The following GALNTL6 variants were observed in gnomAD, a reference collection of about 807,000 sequenced individuals.
GALNTL6 encodes the protein polypeptide N-acetylgalactosaminyltransferase like 6, also known as polypeptide N-acetylgalactosaminyltransferase-like 6.
In GALNTL6, 46 loss-of-function variants were observed where a neutral mutation model predicts 73.7. The ratio of observed to expected loss-of-function variants is 0.62; its 90% CI spans 0.49 to 0.80. The LOEUF (loss-of-function observed/expected upper bound fraction) is 0.80. GALNTL6 is among the 30% of genes least tolerant of loss of function. The pLI, the probability that GALNTL6 is intolerant of heterozygous loss-of-function variation, is 0.00. For synonymous variants in GALNTL6, 259 were observed against 263.7 expected, an observed-to-expected ratio of 0.98 and a Z score of 0.17; for missense variants, 604 against 755.0, an observed-to-expected ratio of 0.80 and a Z score of 2.34.
intron 2 of GALNTL6, among the ~76,000 whole-genome samples, chr4:172,088,925 A>C (rs978793650): frequency 1.3e-5 from 2 of 152,182 alleles, no homozygotes; most frequent in African/African-American, 4.8e-5. Flanking sequence ...TTATTTTCAG[A>C]AAGTTGCACA....
chr4:172,573,119 G>A (rs1301049335), intron 5 of GALNTL6, among the ~76,000 whole-genome samples: 1 of 151,976 alleles, frequency 6.6e-6, no homozygotes, highest in African/African-American at 2.4e-5. Flanking sequence ...CTTTAAAAAT[G>A]GCATCTTTTA....
chr4:171,982,864 C>G (rs1023325076), intron 2 of GALNTL6, among the ~76,000 whole-genome samples: 1 of 152,152 alleles, frequency 6.6e-6, no homozygotes, highest in African/African-American at 2.4e-5. Flanking sequence ...AAAACTGCCT[C>G]TTTTTGGTTC....
chr4:173,015,802 CA>C (rs569010147), intron 11 of GALNTL6, among the ~76,000 whole-genome samples: 82 of 152,268 alleles, frequency 5.4e-4, no homozygotes, highest in African/African-American at 1.8e-3. Flanking sequence ...AATGAGCAGC[CA>C]AATGTTAATC....
At chr4:171,853,004 C>A (rs1178827248) in intron 2 of GALNTL6, among the ~76,000 whole-genome samples, 1 of 138,884 alleles carries the variant, frequency 7.2e-6, no homozygotes, top group Non-Finnish European at 1.6e-5. Context: ...CGCCACCACG[C>A]CCGGCTAATT....
At chr4:172,660,389 A>G (rs1217394285) in intron 5 of GALNTL6, among the ~76,000 whole-genome samples, 2 of 152,220 alleles carry the variant, frequency 1.3e-5, no homozygotes, top group Non-Finnish European at 2.9e-5. Context: ...AAAAGGCATC[A>G]ACTTTACTGC....
chr4:172,542,039 T>C (rs1474054746), intron 5 of GALNTL6, among the ~76,000 whole-genome samples: 2 of 151,652 alleles, frequency 1.3e-5, no homozygotes, highest in African/African-American at 2.4e-5. Context: ...CAGGAAAATG[T>C]AGGACATGGA....
intron 10 of GALNTL6, among the ~76,000 whole-genome samples, chr4:173,004,523 G>A (rs1000087212): frequency 4.6e-5 from 7 of 152,164 alleles, no homozygotes; most frequent in Non-Finnish European, 7.3e-5. Flanking sequence ...CTATTTGGGA[G>A]GCTGAGGCAG....
intron 2 of GALNTL6, among the ~76,000 whole-genome samples, chr4:172,173,389 A>T (rs762516705): frequency 6.6e-6 from 1 of 152,210 alleles, no homozygotes; most frequent in Non-Finnish European, 1.5e-5. Context: ...GTGAATTTGC[A>T]TGAGGCTGTG....
chr4:172,568,757 CAAAAAAAAAAAAA>C (rs71592082), intron 5 of GALNTL6, among the ~76,000 whole-genome samples: 1 of 67,078 alleles, frequency 1.5e-5, no homozygotes, highest in Non-Finnish European at 2.5e-5. Flanking sequence ...GACTCCATCT[CAAAAAAAAAAAAA>C]AAAAAAAAAG....
intron 5 of GALNTL6, among the ~76,000 whole-genome samples, chr4:172,560,981 C>T (rs1181512398): frequency 2.0e-5 from 3 of 152,184 alleles, no homozygotes; most frequent in East Asian, 1.9e-4. Flanking sequence ...CGGCCGGGCG[C>T]GGTGGCTCAC....
At chr4:172,743,618 A>T (rs1736926056) in intron 5 of GALNTL6, among the ~76,000 whole-genome samples, 1 of 152,042 alleles carries the variant, frequency 6.6e-6, no homozygotes, top group Non-Finnish European at 1.5e-5. Context: ...TCATCAAAAA[A>T]ATTATCATGA....
chr4:172,790,571 C>T (rs1465166439), intron 5 of GALNTL6, among the ~76,000 whole-genome samples: 1 of 152,110 alleles, frequency 6.6e-6, no homozygotes, highest in African/African-American at 2.4e-5. Flanking sequence ...GTTAAGCACC[C>T]AGTATGTAGT....
intron 8 of GALNTL6, among the ~76,000 whole-genome samples, chr4:172,907,553 A>C (rs1029131963): frequency 1.4e-4 from 21 of 152,364 alleles, no homozygotes; most frequent in Admixed American, 1.2e-3. Flanking sequence ...CTGCTTTTGC[A>C]AAATACTTAA....
chr4:171,830,957 C>T (rs1734954449), intron 2 of GALNTL6, among the ~76,000 whole-genome samples: 1 of 152,012 alleles, frequency 6.6e-6, no homozygotes. Context: ...ATTTTTAAAA[C>T]TTTACTAATC....
chr4:173,013,579 A>AC (rs894580350), intron 11 of GALNTL6, among the ~76,000 whole-genome samples: 1 of 31,820 alleles, frequency 3.1e-5, no homozygotes, highest in Non-Finnish European at 6.2e-5. Flanking sequence ...CCCACCTCCC[A>AC]CCCCCAGGCT....
chr4:172,484,854 T>G (rs1298154723), intron 5 of GALNTL6, among the ~76,000 whole-genome samples: 1 of 152,102 alleles, frequency 6.6e-6, no homozygotes. Context: ...TATAACCTTG[T>G]TTTGGAGGAA....
chr4:172,961,790 G>A (rs1368288642), intron 10 of GALNTL6, among the ~76,000 whole-genome samples: 1 of 152,216 alleles, frequency 6.6e-6, no homozygotes, highest in East Asian at 1.9e-4. Flanking sequence ...GGGCTGGTTG[G>A]TCTGAGGACC....
At chr4:171,900,856 G>A (rs1737069879) in intron 2 of GALNTL6, among the ~76,000 whole-genome samples, 1 of 151,290 alleles carries the variant, frequency 6.6e-6, no homozygotes, top group Non-Finnish European at 1.5e-5. Context: ...ATAAATTATA[G>A]CATCAAAAAC....
intron 10 of GALNTL6, among the ~76,000 whole-genome samples, chr4:172,967,721 A>T (rs1279330709): frequency 6.6e-6 from 1 of 152,202 alleles, no homozygotes; most frequent in Non-Finnish European, 1.5e-5. Context: ...TATAGTTGGT[A>T]TTAATCTCTT....
Sources: gnomAD v4.1 joint callset for allele counts (sites outside exome capture counted in the v4.1 genomes callset) on GRCh38, gnomAD v4.1.1 for gene constraint, MANE v1.5 for transcripts, NCBI Gene and HGNC (gene_info 2026-07-23, HGNC 2026-07-21) for gene names.